Variants in KRT72 observed in about 807,000 individuals in gnomAD.
The protein encoded by KRT72 is keratin, type II cytoskeletal 72.
A neutral mutation model predicts 44.7 loss-of-function variants in KRT72; 44 were observed. The ratio of observed to expected loss-of-function variants is 0.98; its 90% CI spans 0.77 to 1.27. The LOEUF is 1.27. Ranked by LOEUF, KRT72 falls within the 50% of genes most tolerant of loss-of-function variation. The pLI, the probability that KRT72 is intolerant of heterozygous loss-of-function variation, is 0.00. For missense variants in KRT72, 736 were observed against 667.1 expected (o/e 1.10, Z -1.14); for synonymous variants, 302 against 280.4 (o/e 1.08, Z -0.77).
intron 2 of KRT72, among the ~76,000 whole-genome samples, chr12:52,594,732 C>T (rs1940176560): frequency 6.6e-6 from 1 of 152,064 alleles, no homozygotes; most frequent in Non-Finnish European, 1.5e-5. Context: ...CAAATGTACC[C>T]TAGAACTTAA....
chr12:52,592,297 C>T, intron 4 of KRT72, 99 bp downstream of exon 4: 1 of 822,784 alleles, frequency 1.2e-6, no homozygotes, highest in South Asian at 1.5e-5. Context: ...TGAAAGCTTT[C>T]TCCCTCCCAA....
In KRT72 at chr12:52,590,463, C is replaced by T. The variant is rs532105917; in HGVS notation, c.1089+373G>A. On this transcript the variant is annotated intron_variant, in intron 6 of 8. Transcript: ENST00000293745. ...ACCCAGTGGTGTACCCTGCTCCCTG[C>T]CACCCCTGCTGAGCAGCGAGCTGCC... is the stretch of plus-strand genomic sequence containing the variant. 2.6e-5 allele frequency among the ~76,000 whole-genome samples: 4 copies of T among 152,320 alleles called. No homozygotes were observed. The South Asian group carries it at 6.2e-4, about 24-fold the overall frequency.
upstream of KRT72, among the ~76,000 whole-genome samples, chr12:52,601,841 C>G (rs184833441): frequency 3.7e-4 from 57 of 152,278 alleles, no homozygotes; most frequent in Admixed American, 1.4e-3. Context: ...GGGTGTGTGT[C>G]TGGGGAGACG....
intron 4 of KRT72, 70 bp downstream of exon 4, chr12:52,592,326 T>A: frequency 4.4e-6 from 5 of 1,127,078 alleles, no homozygotes; most frequent in Non-Finnish European, 6.7e-6. Context: ...CCACACCACC[T>A]TCCAGCCAGG....
intron 2 of KRT72, among the ~76,000 whole-genome samples, chr12:52,594,697 A>G (rs1940175024): frequency 6.6e-6 from 1 of 152,238 alleles, no homozygotes; most frequent in Non-Finnish European, 1.5e-5. Context: ...ACATGTATAC[A>G]TATGTAGCAA....
rs780161227 is a variant in KRT72 at position 52,592,909 on chromosome 12, A to G, written c.685T>C (p.Phe229Leu). 21 of 1,613,290 alleles carry G rather than the reference A, an allele frequency of 1.3e-5. No homozygotes were observed. Among genetic ancestry groups the G allele is most frequent in the Non-Finnish European group, 1.6e-5 (19 of 1,179,748 alleles). Residue 229 changes from phenylalanine to leucine, a missense_variant, in exon 3 of 9, where the codon TTT becomes CTT. Phe to Leu is a conservative substitution (Grantham distance 22). Coordinates refer to ENST00000293745, the MANE Select transcript of KRT72 (RefSeq NM_080747.3). ...CCTCTTACCTTCTTGAGCACCACAA[A>G]CTCATTCTCAGCAGCTGTGCGTCTG... ...INRRTAAENE[F>L]VVLKKDVDAA...
chr12:52,594,630 T>C (rs58040493), intron 2 of KRT72, among the ~76,000 whole-genome samples: 5,319 of 151,860 alleles, frequency 0.035, 310 homozygotes, highest in Admixed American at 0.15. Flanking sequence ...AGGGATAGCA[T>C]TGGGAGAAAC....
chr12:52,597,126 A>G (rs895398247), intron 2 of KRT72, among the ~76,000 whole-genome samples: 2 of 152,230 alleles, frequency 1.3e-5, no homozygotes, highest in African/African-American at 4.8e-5. Flanking sequence ...ATGGGAACAC[A>G]CATAATACGT....
In KRT72 at chr12:52,587,781, G is replaced by GC. The variant is rs562844592; in HGVS notation, c.1159dup (p.Ala387GlyfsTer5). ...GGCGCCCTCCAGCTCATCCAGCTTG[G>GC]CCCGGGCATCTTTCAGGGCGCAGTC... On this transcript the variant is annotated frameshift_variant, in exon 7 of 9. Transcript: ENST00000293745. LOFTEE classifies it high-confidence loss of function. 1.0e-4 allele frequency: 165 copies of GC among 1,614,174 alleles called. No individual in the cohort carries two copies. The African/African-American group carries it at 1.8e-3, about 17-fold the overall frequency.
At position 52,592,494 on chromosome 12, in the gene KRT72, G is replaced by A. The variant is rs1940075837; in HGVS notation, c.703-3C>T. ...TTCATGTAAGCAGCATCCACGTCCT[G>A]GGAGCACATGATAGTCAAGCCGCCC... On this transcript the variant is annotated splice_region_variant and splice_polypyrimidine_tract_variant and intron_variant, in intron 3 of 8. Coordinates refer to ENST00000293745, the MANE Select transcript of KRT72 (RefSeq NM_080747.3). 6.2e-7 allele frequency: 1 copy of A among 1,612,944 alleles called. No individual in the cohort carries two copies. Among genetic ancestry groups the A allele is most frequent in the Admixed American group, 1.7e-5 (1 of 59,878 alleles).
At chr12:52,588,330 G>A (rs112234480) in intron 6 of KRT72, among the ~76,000 whole-genome samples, 56 of 152,296 alleles carry the variant, frequency 3.7e-4, no homozygotes, top group African/African-American at 1.3e-3. Context: ...CTTAGAGTTT[G>A]GTCCCCAAAT....
chr12:52,591,375 A>ACACAC, intron 5 of KRT72, 89 bp downstream of exon 5: 5 of 1,059,148 alleles, frequency 4.7e-6, no homozygotes, highest in Non-Finnish European at 5.3e-6. Flanking sequence ...CACACACACA[A>ACACAC]ACACACGCAC....
intron 6 of KRT72, among the ~76,000 whole-genome samples, chr12:52,589,408 G>T (rs989025231): frequency 2.0e-4 from 30 of 152,292 alleles, no homozygotes; most frequent in Non-Finnish European, 3.8e-4. Context: ...GACTGTAGAA[G>T]TTTTAATCAT....
chr12:52,593,411 G>A (rs1940125374), intron 2 of KRT72, among the ~76,000 whole-genome samples: 1 of 152,174 alleles, frequency 6.6e-6, no homozygotes, highest in Non-Finnish European at 1.5e-5. Flanking sequence ...TCTGTTCCAG[G>A]TGAAGCAGAA....
Position 52,586,185 on chromosome 12 carries a change from A to G in KRT72, c.1346-13T>C. On this transcript the variant is annotated splice_polypyrimidine_tract_variant and intron_variant, in intron 8 of 8. Transcript: ENST00000293745. Reference sequence around the variant, plus strand: ...CTGCTGATGACGGCTGGAATGGATGAGAGAAGACCTCAGCCCCCGTCAGCT... The same window carrying G: ...CTGCTGATGACGGCTGGAATGGATGGGAGAAGACCTCAGCCCCCGTCAGCT... 1 of 1,608,124 alleles carries G rather than the reference A, an allele frequency of 6.2e-7. No individual in the cohort carries two copies. The highest frequency in any genetic ancestry group is 8.5e-7 in the Non-Finnish European group (1 of 1,175,726).
At position 52,601,088 on chromosome 12, in the gene KRT72, C is replaced by T. The variant is rs151190349; in HGVS notation, c.365G>A (p.Arg122His). 4 of 1,612,398 alleles carry T rather than the reference C, an allele frequency of 2.5e-6. No homozygotes were observed. The highest frequency in any genetic ancestry group is 4.5e-5 in the East Asian group (2 of 44,756). ...CTTGATCTGCTCCCGCTCCTGGGCGCGCACCCTCTGGATCTCGGGGTCCAT... is the reference window on the plus strand; with the variant it reads ...CTTGATCTGCTCCCGCTCCTGGGCGTGCACCCTCTGGATCTCGGGGTCCAT... Reference protein sequence around the residue: ...VEMDPEIQRVRAQEREQIKAL... With the variant: ...VEMDPEIQRVHAQEREQIKAL... The change falls in exon 1 of 9, where the codon CGC (arginine) becomes CAC (histidine). Residue 122 changes from arginine to histidine, a missense_variant. Transcript: ENST00000293745.
At position 52,601,324 on chromosome 12, in the gene KRT72, GGAGGCC is replaced by G. The variant is rs542572970; in HGVS notation, c.123_128del (p.Ala42_Ser43del). ...GGCAGGAGAGGCTCTTGCTGCCAAA[GGAGGCC>G]GAGCCCTTGACCCGGGCCCGGAATG... is the stretch of plus-strand genomic sequence containing the variant. On this transcript the variant is annotated inframe_deletion, in exon 1 of 9. Transcript: ENST00000293745. The G allele has an allele frequency of 2.1e-4, 324 of 1,546,504 alleles. No individual in the cohort carries two copies. The African/African-American group carries it at 3.8e-3, about 18-fold the overall frequency.
chr12:52,592,544 C>A, intron 3 of KRT72, 53 bp from the exon 4 acceptor site: 2 of 1,327,962 alleles, frequency 1.5e-6, no homozygotes, highest in Non-Finnish European at 2.2e-6. Context: ...CTGCCCATCC[C>A]TCCCTCCCTG....
intron 7 of KRT72, among the ~76,000 whole-genome samples, 183 bp downstream of exon 7, chr12:52,587,448 G>A (rs1212514722): frequency 1.3e-5 from 2 of 152,120 alleles, no homozygotes; most frequent in Non-Finnish European, 2.9e-5. Flanking sequence ...CACAGCCTTT[G>A]GGATTTTTTA....
Sources: gnomAD v4.1 joint callset for allele counts (sites outside exome capture counted in the v4.1 genomes callset) on GRCh38, gnomAD v4.1.1 for gene constraint, MANE v1.5 for transcripts, NCBI Gene and HGNC (gene_info 2026-07-23, HGNC 2026-07-21) for gene names.